The following UBE2D3 variants were observed in gnomAD, a reference collection of about 807,000 sequenced individuals.
The protein encoded by UBE2D3 is ubiquitin-conjugating enzyme E2 D3.
UBE2D3 carries 2 observed loss-of-function variants against 22.8 expected under a neutral mutation model. The observed-to-expected ratio is 0.09, with a 90% confidence interval of 0.04 to 0.28. UBE2D3 has a LOEUF of 0.28. Among genes scored for constraint, UBE2D3 ranks in the 10% least tolerant of loss-of-function variants. The pLI, the probability that UBE2D3 is intolerant of heterozygous loss-of-function variation, is 1.00. For missense variants in UBE2D3, 27 were observed against 182.5 expected (o/e 0.15, Z 4.91); for synonymous variants, 56 against 60.4 (o/e 0.93, Z 0.34).
intron 1 of UBE2D3, among the ~76,000 whole-genome samples, chr4:102,861,683 C>CA (rs1732905194): frequency 6.6e-6 from 1 of 151,660 alleles, no homozygotes; most frequent in Non-Finnish European, 1.5e-5. Context: ...ATTTCTAAGG[C>CA]AAAAAAGATG....
At chr4:102,805,910 ACTT>A (rs761586319) in intron 4 of UBE2D3, among the ~76,000 whole-genome samples, 86 of 152,292 alleles carry the variant, frequency 5.6e-4, no homozygotes, top group Non-Finnish European at 8.7e-4. Flanking sequence ...CTCATCATCA[ACTT>A]CTTCCTCTCT....
At chr4:102,801,642 G>T in intron 5 of UBE2D3, 83 bp from the exon 6 acceptor site, 1 of 1,133,428 alleles carries the variant, frequency 8.8e-7, no homozygotes, top group Non-Finnish European at 1.3e-6. Flanking sequence ...AAGCCACAAT[G>T]TTAAAAATGT....
intron 4 of UBE2D3, 115 bp from the exon 5 acceptor site, chr4:102,802,753 C>CAATAAAT (rs1411116011): frequency 4.6e-6 from 3 of 648,082 alleles, no homozygotes; most frequent in Non-Finnish European, 7.3e-6. Context: ...ATTTACACTG[C>CAATAAAT]AATAAATAAT....
intron 2 of UBE2D3, among the ~76,000 whole-genome samples, chr4:102,818,350 C>CA (rs909936429): frequency 2.0e-5 from 3 of 152,200 alleles, no homozygotes; most frequent in South Asian, 2.1e-4. Context: ...TGCTTCTCCT[C>CA]AAACTTTCTG....
At chr4:102,845,817 A>G (rs1578290075) in intron 1 of UBE2D3, among the ~76,000 whole-genome samples, 5 of 152,212 alleles carry the variant, frequency 3.3e-5, no homozygotes, top group Admixed American at 3.3e-4. Context: ...TTTGAGACAG[A>G]GTCTTGCTCT....
chr4:102,802,144 G>A, intron 5 of UBE2D3: 1 of 156,166 alleles, frequency 6.4e-6, no homozygotes, highest in Non-Finnish European at 1.4e-5. Flanking sequence ...CTATAAACCA[G>A]TGCACTAAGC....
intron 1 of UBE2D3, among the ~76,000 whole-genome samples, chr4:102,854,241 A>C (rs927725950): frequency 6.8e-6 from 1 of 147,372 alleles, no homozygotes; most frequent in Admixed American, 6.7e-5. Context: ...TTGCAAACAA[A>C]TGTTATTTTT....
upstream of UBE2D3, among the ~76,000 whole-genome samples, chr4:102,830,322 G>A (rs1731052350): frequency 6.6e-6 from 1 of 151,986 alleles, no homozygotes; most frequent in African/African-American, 2.4e-5. Flanking sequence ...AAACAAGAAA[G>A]GAAAATAATC....
chr4:102,800,739 T>C (rs754281377), intron 6 of UBE2D3, among the ~76,000 whole-genome samples: 17 of 152,092 alleles, frequency 1.1e-4, no homozygotes, highest in Non-Finnish European at 2.4e-4. Context: ...AAGTGCAGTA[T>C]ATACACATAT....
chr4:102,841,453 T>C (rs1731750811), intron 1 of UBE2D3, among the ~76,000 whole-genome samples: 1 of 152,158 alleles, frequency 6.6e-6, no homozygotes, highest in Non-Finnish European at 1.5e-5. Flanking sequence ...CTTAAGTGAA[T>C]ATATTTTTCC....
intron 1 of UBE2D3, among the ~76,000 whole-genome samples, chr4:102,856,000 G>A (rs1732600659): frequency 6.6e-6 from 1 of 152,148 alleles, no homozygotes; most frequent in Admixed American, 6.5e-5. Flanking sequence ...GGTGAGGCTG[G>A]TAATATGTGA....
chr4:102,839,498 C>T (rs1328954849), intron 1 of UBE2D3, among the ~76,000 whole-genome samples: 1 of 152,146 alleles, frequency 6.6e-6, no homozygotes, highest in South Asian at 2.1e-4. Flanking sequence ...GTCTTGAACT[C>T]CTGGGATCAA....
intron 1 of UBE2D3, among the ~76,000 whole-genome samples, chr4:102,868,560 C>G (rs1189466905): frequency 1.3e-5 from 2 of 151,812 alleles, no homozygotes; most frequent in Non-Finnish European, 2.9e-5. Context: ...TTTTTTTAAG[C>G]CTGGCCTTTG....
chr4:102,852,099 T>C (rs1157340279), intron 1 of UBE2D3, among the ~76,000 whole-genome samples: 2 of 152,200 alleles, frequency 1.3e-5, no homozygotes. Flanking sequence ...CCAACTTCTA[T>C]GATACGCCCT....
chr4:102,842,514 C>T (rs947635993), intron 1 of UBE2D3, among the ~76,000 whole-genome samples: 20 of 151,474 alleles, frequency 1.3e-4, no homozygotes, highest in Admixed American at 5.3e-4. Flanking sequence ...TATGATGAGG[C>T]CAGTGCACTC....
At chr4:102,867,884 C>T (rs1035079636) in intron 1 of UBE2D3, among the ~76,000 whole-genome samples, 5 of 151,988 alleles carry the variant, frequency 3.3e-5, no homozygotes, top group African/African-American at 1.2e-4. Context: ...AATCTGTAAA[C>T]TTTCTTAAAA....
chr4:102,801,307 C>A, intron 6 of UBE2D3, 147 bp downstream of exon 6: 1 of 655,278 alleles, frequency 1.5e-6, no homozygotes, highest in Non-Finnish European at 2.5e-6. Context: ...ATCAACACCA[C>A]TAAAAGAACA....
chr4:102,847,352 C>T (rs1188403173), intron 1 of UBE2D3, among the ~76,000 whole-genome samples: 1 of 152,074 alleles, frequency 6.6e-6, no homozygotes, highest in Non-Finnish European at 1.5e-5. Flanking sequence ...GTTGTGCAAT[C>T]AAGGCTCACT....
intron 2 of UBE2D3, among the ~76,000 whole-genome samples, chr4:102,813,254 A>G (rs982198242): frequency 2.3e-4 from 35 of 152,220 alleles, no homozygotes; most frequent in African/African-American, 8.2e-4. Context: ...AATCACAATC[A>G]TAAGGCACTA....
Sources: allele counts gnomAD v4.1 joint callset (sites outside exome capture counted in the v4.1 genomes callset), GRCh38; gene constraint gnomAD v4.1.1; transcripts MANE v1.5; gene names NCBI Gene and HGNC (gene_info 2026-07-23, HGNC 2026-07-21).